Variants in PTPRG observed in about 807,000 individuals in gnomAD.
PTPRG encodes receptor-type tyrosine-protein phosphatase gamma.
In PTPRG, 102 loss-of-function variants were observed where a neutral mutation model predicts 165.3. The ratio of observed to expected loss-of-function variants is 0.62; its 90% CI spans 0.53 to 0.73. The LOEUF (loss-of-function observed/expected upper bound fraction) is 0.73. PTPRG is among the 30% of genes least tolerant of loss of function. The pLI is 0.00. For missense variants in PTPRG, 1,866 were observed against 1,861.4 expected, an observed-to-expected ratio of 1.00 and a Z score of -0.05; for synonymous variants, 675 against 669.5, an observed-to-expected ratio of 1.01 and a Z score of -0.13.
chr3:62,158,044 CTA>C (rs1373748886), intron 7 of PTPRG, among the ~76,000 whole-genome samples: 3 of 152,108 alleles, frequency 2.0e-5, no homozygotes, highest in Non-Finnish European at 2.9e-5. Context: ...TTTCTGACCA[CTA>C]TATTGTACTG....
intron 2 of PTPRG, among the ~76,000 whole-genome samples, chr3:61,903,974 A>G (rs1273329199): frequency 6.6e-6 from 1 of 152,192 alleles, no homozygotes; most frequent in African/African-American, 2.4e-5. Flanking sequence ...CTTGTCAGCC[A>G]GAAAGATGGA....
intron 2 of PTPRG, chr3:61,769,169 C>G (rs146836004): frequency 1.3e-5 from 2 of 152,070 alleles, no homozygotes; most frequent in African/African-American, 2.4e-5. Flanking sequence ...GTGAATTTTG[C>G]GTAATACCTT....
chr3:61,947,266 A>G (rs1189051770), intron 2 of PTPRG, among the ~76,000 whole-genome samples: 1 of 152,242 alleles, frequency 6.6e-6, no homozygotes, highest in Non-Finnish European at 1.5e-5. Flanking sequence ...CAAAGTATAT[A>G]AAAGACTTGT....
Position 61,921,706 on chromosome 3 carries a change from TATCTC to T in PTPRG, c.191-67916_191-67912del, listed in dbSNP as rs1452202816. Reference sequence around the variant, plus strand: ...ACATTTAGACTCAAGATTTCTAAGATATCTCATTATTTATTTGAAAATATTCCAAA... The same window carrying T: ...ACATTTAGACTCAAGATTTCTAAGATATTATTTATTTGAAAATATTCCAAA... On this transcript the variant is annotated intron_variant, in intron 2 of 29. Coordinates refer to ENST00000474889, the MANE Select transcript of PTPRG (RefSeq NM_002841.4). 3.3e-5 allele frequency among the ~76,000 whole-genome samples: 5 copies of T among 152,346 alleles called. No individual in the cohort carries two copies. In the South Asian group the frequency reaches 8.3e-4, roughly 25 times the overall value.
At chr3:61,982,222 T>A (rs1575848157) in intron 2 of PTPRG, among the ~76,000 whole-genome samples, 1 of 152,314 alleles carries the variant, frequency 6.6e-6, no homozygotes, top group East Asian at 1.9e-4. Context: ...ACACTTAAGA[T>A]GTTTGGCATT....
At chr3:62,069,865 A>C (rs1423223190) in intron 4 of PTPRG, among the ~76,000 whole-genome samples, 5 of 152,198 alleles carry the variant, frequency 3.3e-5, no homozygotes, top group African/African-American at 1.2e-4. Flanking sequence ...CCTCTTAAAA[A>C]GACCTCAGGT....
intron 4 of PTPRG, among the ~76,000 whole-genome samples, chr3:62,077,025 G>A (rs534544315): frequency 2.0e-5 from 3 of 152,116 alleles, no homozygotes; most frequent in African/African-American, 7.2e-5. Flanking sequence ...CAGTGTTTTG[G>A]GAGGCTGAGG....
chr3:62,013,780 G>GTT (rs574798457), intron 4 of PTPRG, among the ~76,000 whole-genome samples: 1 of 147,230 alleles, frequency 6.8e-6, no homozygotes. Flanking sequence ...TGCTGTACAG[G>GTT]TTTTTTTTTT....
chr3:61,979,732 G>A (rs1003187463), intron 2 of PTPRG, among the ~76,000 whole-genome samples: 9 of 152,144 alleles, frequency 5.9e-5, no homozygotes, highest in Admixed American at 3.9e-4. Flanking sequence ...TAAATATGGT[G>A]CTTTATGTCT....
chr3:61,868,641 C>A (rs1281206882), intron 2 of PTPRG, among the ~76,000 whole-genome samples: 1 of 152,166 alleles, frequency 6.6e-6, no homozygotes, highest in African/African-American at 2.4e-5. Flanking sequence ...CTTATAGAAT[C>A]ACCCTTAGGG....
chr3:62,181,276 C>G (rs1189753514), intron 8 of PTPRG, among the ~76,000 whole-genome samples: 2 of 152,286 alleles, frequency 1.3e-5, no homozygotes, highest in South Asian at 4.2e-4. Flanking sequence ...GCAGCCAGAT[C>G]CACCCCGGGA....
rs530021007 is a variant in PTPRG, at chr3:61,661,782, A to C, written c.86-87096A>C. On this transcript the variant is annotated intron_variant, in intron 1 of 29. Transcript: ENST00000474889. ...CTCAGCCCTAGACACATAAAACACC[A>C]GCACCTACTAGCTGGTGTTGAAATG... Among the ~76,000 whole-genome samples, 38 of 152,190 alleles carry C rather than the reference A, an allele frequency of 2.5e-4. No individual in the cohort carries two copies. In the South Asian group the frequency reaches 7.5e-3, roughly 30 times the overall value.
intron 10 of PTPRG, among the ~76,000 whole-genome samples, chr3:62,197,000 C>T (rs993508738): frequency 4.6e-5 from 7 of 152,288 alleles, no homozygotes; most frequent in Admixed American, 2.6e-4. Flanking sequence ...GGGCAGGGGG[C>T]GTTATCCAGG....
At chr3:61,785,572 A>G (rs2034671232) in intron 2 of PTPRG, among the ~76,000 whole-genome samples, 2 of 152,292 alleles carry the variant, frequency 1.3e-5, no homozygotes, top group South Asian at 2.1e-4. Context: ...GTCTTGCTCT[A>G]TTCTGCTGCC....
At chr3:62,119,884 T>C (rs1298900401) in intron 5 of PTPRG, among the ~76,000 whole-genome samples, 2 of 149,596 alleles carry the variant, frequency 1.3e-5, no homozygotes, top group East Asian at 4.0e-4. Flanking sequence ...TCTGCCCACC[T>C]TGGGCTCCCA....
chr3:61,862,576 A>G (rs376397281), intron 2 of PTPRG, among the ~76,000 whole-genome samples: 2 of 151,844 alleles, frequency 1.3e-5, no homozygotes, highest in Non-Finnish European at 1.5e-5. Context: ...TGTATTTTCA[A>G]TAGAGACGGG....
At chr3:62,038,558 C>G (rs539931412) in intron 4 of PTPRG, among the ~76,000 whole-genome samples, 1 of 152,276 alleles carries the variant, frequency 6.6e-6, no homozygotes, top group Non-Finnish European at 1.5e-5. Context: ...CCACCACACT[C>G]AGCTAATTTT....
chr3:61,934,341 G>A (rs185488042), intron 2 of PTPRG, among the ~76,000 whole-genome samples: 1 of 151,968 alleles, frequency 6.6e-6, no homozygotes, highest in African/African-American at 2.4e-5. Flanking sequence ...CTAAAACTTG[G>A]ATTTGCTAAT....
At chr3:61,737,886 G>C (rs1353264533) in intron 1 of PTPRG, among the ~76,000 whole-genome samples, 1 of 150,340 alleles carries the variant, frequency 6.7e-6, no homozygotes, top group Non-Finnish European at 1.5e-5. Flanking sequence ...CATTTTGCTA[G>C]AGGTTGTGGA....
Sources: allele counts gnomAD v4.1 joint callset (sites outside exome capture counted in the v4.1 genomes callset), GRCh38; gene constraint gnomAD v4.1.1; transcripts MANE v1.5; gene names NCBI Gene and HGNC (gene_info 2026-07-23, HGNC 2026-07-21).